The following SEC22C variants were observed in gnomAD, a reference collection of about 807,000 sequenced individuals.
The protein encoded by SEC22C is SEC22 homolog C, vesicle trafficking protein, also known as vesicle-trafficking protein SEC22c.
SEC22C carries 29 observed loss-of-function variants against 34.7 expected under a neutral mutation model. The ratio of observed to expected loss-of-function variants is 0.84; its 90% CI spans 0.62 to 1.14. SEC22C has a LOEUF of 1.14. Among genes scored for constraint, SEC22C ranks in the 50% most tolerant of loss-of-function variants. SEC22C has a pLI of 0.00. For missense variants in SEC22C, 337 were observed against 369.0 expected (o/e 0.91, Z 0.71); for synonymous variants, 117 against 132.8 (o/e 0.88, Z 0.82).
intron 1 of SEC22C, chr3:42,590,901 T>A (rs375768829): frequency 1.4e-6 from 2 of 1,422,256 alleles, no homozygotes; most frequent in Non-Finnish European, 9.4e-7. Context: ...CCTCGGGATG[T>A]CGGTGGCCTT....
chr3:42,551,098 A>T lies in SEC22C; in HGVS notation c.*2150T>A, dbSNP rs989593900. 2.0e-6 allele frequency: 2 copies of T among 976,776 alleles called. No individual in the cohort carries two copies. Among genetic ancestry groups the T allele is most frequent in the African/African-American group, 3.5e-5 (2 of 56,846 alleles). The allele number at this position is 976,776 out of a possible 1,614,324, so 60.5% of individuals were successfully genotyped here. A position where few individuals can be genotyped will look rare whatever the true frequency, so the allele number is the denominator to read the frequency against. ...TAGCCAGGATGGTCTCGATCTCTTG[A>T]CCTCGTGATCTGCCCACCTCAGCTT... is the stretch of plus-strand genomic sequence containing the variant. On this transcript the variant is annotated 3_prime_UTR_variant, in exon 7 of 7. Transcript: ENST00000264454.
rs546708658 is a variant in SEC22C at position 42,594,407 on chromosome 3, T to G, written c.-28+6553A>C. On this transcript the variant is annotated intron_variant, in intron 1 of 6. Transcript: ENST00000417572. The stretch of plus-strand genomic sequence containing the variant: ...AAAACAAGCCTCTGATTTTTGCCTG[T>G]TTTTTTGCCCATAGGTACCAGCATG... The G allele has an allele frequency of 1.4e-5, 23 of 1,603,072 alleles. No homozygotes were observed. The South Asian group carries it at 2.3e-4, about 16-fold the overall frequency.
chr3:42,560,815 T>C (rs1353119362), intron 4 of SEC22C, among the ~76,000 whole-genome samples: 1 of 152,026 alleles, frequency 6.6e-6, no homozygotes, highest in Non-Finnish European at 1.5e-5. Flanking sequence ...ATTTTTTGTA[T>C]TTTTGATAGA....
intron 3 of SEC22C, among the ~76,000 whole-genome samples, chr3:42,563,301 T>C (rs2125706514): frequency 6.6e-6 from 1 of 152,354 alleles, no homozygotes; most frequent in East Asian, 1.9e-4. Flanking sequence ...TCCTCCACCC[T>C]GCCCCCAGGC....
At chr3:42,592,379 T>C (rs1026905328) in intron 1 of SEC22C, among the ~76,000 whole-genome samples, 2 of 152,140 alleles carry the variant, frequency 1.3e-5, no homozygotes, top group African/African-American at 4.8e-5. Context: ...TTTATATTTG[T>C]AGTAGAGACA....
intron 2 of SEC22C, chr3:42,565,884 C>T: frequency 2.2e-6 from 1 of 456,070 alleles, no homozygotes; most frequent in Non-Finnish European, 4.4e-6. Flanking sequence ...TACTGCTCAC[C>T]TGTAAGAAAA....
intron 1 of SEC22C, chr3:42,591,200 CCTTT>C (rs1313745500): frequency 2.2e-6 from 1 of 460,002 alleles, no homozygotes; most frequent in Non-Finnish European, 3.6e-6. Context: ...CCCTTTCTCT[CCTTT>C]TTTTTTTTTT....
chr3:42,561,439 G>A (rs1223824359), intron 3 of SEC22C, 143 bp from the exon 4 acceptor site: 9 of 763,618 alleles, frequency 1.2e-5, no homozygotes, highest in East Asian at 2.7e-5. Flanking sequence ...GCAGTGGTGC[G>A]ATCACAACTC....
At chr3:42,600,956 T>TCGCCCCCGCCCTCGCCCCTGCCCA in intron 1 of SEC22C, 1 of 1,358,822 alleles carries the variant, frequency 7.4e-7, no homozygotes, top group Non-Finnish European at 1.0e-6. Context: ...GCCCCTGCCC[T>TCGCCCCCGCCCTCGCCCCTGCCCA]GACCGCTTTT....
intron 1 of SEC22C, among the ~76,000 whole-genome samples, chr3:42,574,370 A>G: frequency 6.6e-6 from 1 of 151,406 alleles, no homozygotes; most frequent in Non-Finnish European, 1.5e-5. Flanking sequence ...TCTCAAAAAA[A>G]AAAAAAAAAA....
chr3:42,591,615 C>T (rs1339254029), intron 1 of SEC22C: 1 of 1,592,254 alleles, frequency 6.3e-7, no homozygotes, highest in East Asian at 2.2e-5. Flanking sequence ...AGTACCCCCA[C>T]CCCCGCGCCC....
chr3:42,594,684 C>T (rs937829636), intron 1 of SEC22C: 3 of 517,506 alleles, frequency 5.8e-6, no homozygotes, highest in Non-Finnish European at 1.0e-5. Flanking sequence ...ACTAACTTAG[C>T]TGTATTCTCA....
intron 3 of SEC22C, among the ~76,000 whole-genome samples, chr3:42,563,229 G>T (rs957246201): frequency 3.3e-5 from 5 of 152,168 alleles, no homozygotes; most frequent in African/African-American, 1.2e-4. Flanking sequence ...CTGGCCTATG[G>T]GCCATCATTT....
At chr3:42,591,521 T>G (rs1704841053) in intron 1 of SEC22C, 3 of 1,612,610 alleles carry the variant, frequency 1.9e-6, no homozygotes. Flanking sequence ...CTCTGATCTT[T>G]CAGCTCCTTG....
chr3:42,569,240 C>G (rs1703456531), intron 1 of SEC22C, among the ~76,000 whole-genome samples, 167 bp from the exon 2 acceptor site: 1 of 152,230 alleles, frequency 6.6e-6, no homozygotes, highest in Non-Finnish European at 1.5e-5. Context: ...TCACTCCCAA[C>G]TTTCCTCCCT....
At chr3:42,565,665 G>A (rs1172781164) in intron 2 of SEC22C, 5 of 296,214 alleles carry the variant, frequency 1.7e-5, no homozygotes, top group African/African-American at 2.3e-5. Context: ...CTGCAGTAAC[G>A]CATCTACAAG....
intron 2 of SEC22C, among the ~76,000 whole-genome samples, chr3:42,567,040 A>C (rs1703292701): frequency 6.6e-6 from 1 of 152,138 alleles, no homozygotes; most frequent in Non-Finnish European, 1.5e-5. Flanking sequence ...CAGCCTCCCA[A>C]GTAGCTGGTA....
upstream of SEC22C, among the ~76,000 whole-genome samples, chr3:42,583,858 C>T (rs1465635672): frequency 6.6e-6 from 1 of 152,236 alleles, no homozygotes; most frequent in Non-Finnish European, 1.5e-5. Context: ...AGAGTCCGTC[C>T]ATTTATTCAT....
At position 42,600,911 on chromosome 3, in the gene SEC22C, G is replaced by GCCCCGCCCTCGCCCCTGCCCTCGC. The variant is rs1342145994; in HGVS notation, c.-28+25_-28+48dup. ...GCACCGTGGCGCGGACTTCGTCTCA[G>GCCCCGCCCTCGCCCCTGCCCTCGC]CCCCGCCCTCGCCCCTGCCCTCGCC... On this transcript the variant is annotated intron_variant, in intron 1 of 6. Coordinates refer to the SEC22C transcript ENST00000417572. 2.0e-3 allele frequency: 1,897 copies of GCCCCGCCCTCGCCCCTGCCCTCGC among 946,008 alleles called. 11 individuals carry two copies. The highest frequency in any genetic ancestry group is 5.4e-3 in the Admixed American group (153 of 28,180). The allele number at this position is 946,008 out of a possible 1,614,324, so 58.6% of individuals were successfully genotyped here.
Sources: gnomAD v4.1 joint callset for allele counts (sites outside exome capture counted in the v4.1 genomes callset) on GRCh38, gnomAD v4.1.1 for gene constraint, MANE v1.5 for transcripts, NCBI Gene and HGNC (gene_info 2026-07-23, HGNC 2026-07-21) for gene names.